The following CYB5R4 variants were observed in gnomAD, a reference collection of about 807,000 sequenced individuals.
The protein encoded by CYB5R4 is cytochrome b5 reductase 4.
Under a neutral mutation model 70.2 loss-of-function variants are expected in CYB5R4, and 55 were observed. The observed-to-expected ratio is 0.78, with a 90% CI of 0.63 to 0.98. CYB5R4 has a LOEUF of 0.98. Among genes scored for constraint, CYB5R4 ranks in the 50% least tolerant of loss-of-function variants. The pLI is 0.00. For missense variants in CYB5R4, 562 were observed against 612.6 expected (o/e 0.92, Z 0.87); for synonymous variants, 197 against 199.5 (o/e 0.99, Z 0.11).
At chr6:83,958,066 A>T (rs2099472700) in intron 15 of CYB5R4, among the ~76,000 whole-genome samples, 1 of 152,210 alleles carries the variant, frequency 6.6e-6, no homozygotes, top group Non-Finnish European at 1.5e-5. Flanking sequence ...AGATTATATT[A>T]AAAATATAGC....
chr6:83,882,218 C>G (rs6907030), intron 2 of CYB5R4, among the ~76,000 whole-genome samples: 43,523 of 152,056 alleles, frequency 0.29, 12,229 homozygotes, highest in African/African-American at 0.73. Flanking sequence ...TGTGTGTGTT[C>G]GTGCTGTGAA....
At chr6:83,940,796 G>A (rs1365490087) in intron 14 of CYB5R4, among the ~76,000 whole-genome samples, 195 bp downstream of exon 14, 1 of 152,022 alleles carries the variant, frequency 6.6e-6, no homozygotes, top group Non-Finnish European at 1.5e-5. Flanking sequence ...CAAGATCTAG[G>A]CAACCTTATA....
At chr6:83,862,272 A>G (rs1175485551) in intron 1 of CYB5R4, among the ~76,000 whole-genome samples, 1 of 152,222 alleles carries the variant, frequency 6.6e-6, no homozygotes, top group African/African-American at 2.4e-5. Context: ...TATGATAGTT[A>G]TTATTTCTAT....
rs1396608721 is a variant in CYB5R4 at position 83,965,567 on chromosome 6, T to TG, written c.*5690dup. On this transcript the variant is annotated 3_prime_UTR_variant, in exon 16 of 16. Coordinates refer to ENST00000369681, the MANE Select transcript of CYB5R4 (RefSeq NM_016230.4). ...TACAGGCTCATAAGTGGAAGGGACT[T>TG]GCCTTGTCTCAGATGAGACTTTTGA... The TG allele has an allele frequency of 6.6e-6, 1 of 152,230 alleles. No individual in the cohort carries two copies. The highest frequency in any genetic ancestry group is 6.5e-5 in the Admixed American group (1 of 15,288). The allele number at this position is 152,230 out of a possible 1,614,324, so 9.4% of individuals were successfully genotyped here.
At chr6:83,899,370 C>G (rs1478828457) in intron 3 of CYB5R4, among the ~76,000 whole-genome samples, 2 of 152,108 alleles carry the variant, frequency 1.3e-5, no homozygotes, top group South Asian at 4.2e-4. Flanking sequence ...GGTTTGCCAG[C>G]ATTTTATTGA....
At chr6:83,885,747 G>A (rs1303277566) in intron 2 of CYB5R4, among the ~76,000 whole-genome samples, 1 of 152,110 alleles carries the variant, frequency 6.6e-6, no homozygotes, top group Non-Finnish European at 1.5e-5. Context: ...TCTCTGTGGA[G>A]AGTTGGAATA....
intron 3 of CYB5R4, among the ~76,000 whole-genome samples, chr6:83,900,922 A>G (rs575988927): frequency 1.7e-4 from 26 of 152,222 alleles, no homozygotes; most frequent in African/African-American, 2.6e-4. Context: ...TCTTTATCCA[A>G]TTCGCTGTTT....
chr6:83,860,332 T>C (rs1239901382), intron 1 of CYB5R4, among the ~76,000 whole-genome samples: 1 of 152,162 alleles, frequency 6.6e-6, no homozygotes, highest in Non-Finnish European at 1.5e-5. Flanking sequence ...TGGGGACTTC[T>C]GGAGTTGGGG....
rs1219821895 is a variant in CYB5R4 at position 83,956,767 on chromosome 6, T to C, written c.1511+1305T>C. On this transcript the variant is annotated intron_variant, in intron 15 of 15. Transcript: ENST00000369681. ...GGTAAAACATTTTTATTTTCTTCCT[T>C]GTCTCGTAATGTTATGCCAGAGTCA... Among the ~76,000 whole-genome samples, 3 of 152,168 alleles carry C rather than the reference T, an allele frequency of 2.0e-5. No homozygotes were observed. In the East Asian group the frequency reaches 5.8e-4, roughly 29 times the overall value.
Position 83,859,719 on chromosome 6 carries a change from G to A in CYB5R4, c.-64G>A, listed in dbSNP as rs910475579. ...TGGCCTCTGCCCGGCCACAGAGCCG[G>A]AGCTGGAGGTGCTGTCCCGTCTGGC... is the stretch of plus-strand genomic sequence containing the variant. On this transcript the variant is annotated 5_prime_UTR_variant, in exon 1 of 16. Coordinates refer to ENST00000369681, the MANE Select transcript of CYB5R4 (RefSeq NM_016230.4). The A allele has an allele frequency of 1.1e-5, 17 of 1,572,534 alleles. No homozygotes were observed. The highest frequency in any genetic ancestry group is 1.1e-5 in the Non-Finnish European group (13 of 1,149,634).
chr6:83,915,901 C>T (rs562087321), intron 5 of CYB5R4, among the ~76,000 whole-genome samples: 7 of 152,134 alleles, frequency 4.6e-5, no homozygotes, highest in Non-Finnish European at 1.0e-4. Context: ...TTCAAATTGA[C>T]GACATTCAAT....
intron 3 of CYB5R4, among the ~76,000 whole-genome samples, chr6:83,895,131 T>C (rs2099461666): frequency 6.6e-6 from 1 of 152,142 alleles, no homozygotes; most frequent in Non-Finnish European, 1.5e-5. Context: ...CCATTGTTAT[T>C]TGGTATTTGC....
chr6:83,924,142 C>CTTTTTTTT (rs35960110), intron 9 of CYB5R4, among the ~76,000 whole-genome samples: 1 of 129,930 alleles, frequency 7.7e-6, no homozygotes, highest in Non-Finnish European at 1.6e-5. Context: ...ACATCTCAAC[C>CTTTTTTTT]TTTTTTTTTT....
chr6:83,936,688 C>T (rs1417709350), intron 12 of CYB5R4, among the ~76,000 whole-genome samples: 1 of 152,144 alleles, frequency 6.6e-6, no homozygotes, highest in Admixed American at 6.5e-5. Flanking sequence ...TTTCAGCTAC[C>T]TCTTCTGCCA....
intron 14 of CYB5R4, among the ~76,000 whole-genome samples, chr6:83,952,064 A>C (rs2099471620): frequency 6.6e-6 from 1 of 152,170 alleles, no homozygotes; most frequent in African/African-American, 2.4e-5. Context: ...TGATGTTGTT[A>C]GTGTCATTAT....
intron 4 of CYB5R4, 137 bp from the exon 5 acceptor site, chr6:83,914,279 C>G (rs527441566): frequency 1.1e-6 from 1 of 892,598 alleles, no homozygotes; most frequent in African/African-American, 1.8e-5. Context: ...CTATATTGGC[C>G]TGTTTCTCTC....
chr6:83,951,595 C>G (rs2099471539), intron 14 of CYB5R4, among the ~76,000 whole-genome samples: 1 of 152,194 alleles, frequency 6.6e-6, no homozygotes, highest in Admixed American at 6.5e-5. Flanking sequence ...TCATCCATGT[C>G]CCTGCAAAGG....
chr6:83,955,239 AC>A, intron 14 of CYB5R4, 58 bp from the exon 15 acceptor site: 1 of 1,336,150 alleles, frequency 7.5e-7, no homozygotes, highest in Non-Finnish European at 1.0e-6. Flanking sequence ...TGAACTTGAA[AC>A]ATGTTAATAA....
intron 10 of CYB5R4, among the ~76,000 whole-genome samples, chr6:83,927,239 A>C (rs9362020): frequency 0.085 from 12,914 of 152,240 alleles, 892 homozygotes; most frequent in East Asian, 0.26. Flanking sequence ...AGGAAAAAAC[A>C]AACTTTTTCC....
Sources: gnomAD v4.1 joint callset for allele counts (sites outside exome capture counted in the v4.1 genomes callset) on GRCh38, gnomAD v4.1.1 for gene constraint, MANE v1.5 for transcripts, NCBI Gene and HGNC (gene_info 2026-07-23, HGNC 2026-07-21) for gene names.